The following MGAT4C variants were observed in gnomAD, a reference collection of about 807,000 sequenced individuals.
MGAT4C encodes the protein MGAT4 family member C.
Under a neutral mutation model 40.1 loss-of-function variants are expected in MGAT4C, and 19 were observed. The observed-to-expected ratio is 0.47, with a 90% CI of 0.33 to 0.70. MGAT4C has a LOEUF of 0.70. Ranked by LOEUF, MGAT4C falls within the 30% of genes least tolerant of loss-of-function variation. MGAT4C has a pLI of 0.02. For missense variants in MGAT4C, 491 were observed against 563.2 expected, an observed-to-expected ratio of 0.87 and a Z score of 1.30; for synonymous variants, 181 against 187.1, an observed-to-expected ratio of 0.97 and a Z score of 0.27.
At chr12:86,824,633 G>A (rs1416715268) in intron 1 of MGAT4C, among the ~76,000 whole-genome samples, 1 of 148,936 alleles carries the variant, frequency 6.7e-6, no homozygotes, top group African/African-American at 2.5e-5. Context: ...ATGTCCCAGA[G>A]GAAAAAAAAT....
At chr12:86,246,166 T>C (rs530147722) in intron 1 of MGAT4C, among the ~76,000 whole-genome samples, 1 of 146,378 alleles carries the variant, frequency 6.8e-6, no homozygotes, top group African/African-American at 2.5e-5. Flanking sequence ...GAATATCTCC[T>C]AGTGTACCAT....
chr12:86,774,366 C>T (rs1451655138), intron 1 of MGAT4C, among the ~76,000 whole-genome samples: 52 of 34,464 alleles, frequency 1.5e-3, no homozygotes, highest in South Asian at 5.5e-3. Context: ...CTCTCTCTCT[C>T]TCTCTTTCTG....
rs1034358787 is a variant in MGAT4C, at chr12:86,172,696, T to C, written c.-57+83543A>G. Among the ~76,000 whole-genome samples the C allele has an allele frequency of 4.3e-4, 65 of 152,096 alleles. 1 individual carries two copies. The highest frequency in any genetic ancestry group is 1.5e-3 in the African/African-American group (62 of 41,438). The stretch of plus-strand genomic sequence containing the variant: ...CTATAAGTTTGCTAAGGGTATAAAT[T>C]AGAGTTTCAACTCAGAGCAAAGAGA... On this transcript the variant is annotated intron_variant, in intron 1 of 4. Coordinates refer to ENST00000611864, the MANE Select transcript of MGAT4C (RefSeq NM_001351288.2).
At chr12:86,295,972 C>A (rs1331352522) in intron 4 of MGAT4C, among the ~76,000 whole-genome samples, 1 of 145,784 alleles carries the variant, frequency 6.9e-6, no homozygotes, top group African/African-American at 2.6e-5. Flanking sequence ...CAGCTAGATA[C>A]AGAGTGTCAA....
intron 2 of MGAT4C, among the ~76,000 whole-genome samples, chr12:86,680,414 G>T (rs2136578591): frequency 6.6e-6 from 1 of 152,032 alleles, no homozygotes; most frequent in South Asian, 2.1e-4. Flanking sequence ...AGAAAAAAAT[G>T]ACTTTTCCCA....
chr12:85,990,003 A>T (rs1453425756), intron 2 of MGAT4C, among the ~76,000 whole-genome samples: 2 of 152,120 alleles, frequency 1.3e-5, no homozygotes, highest in African/African-American at 2.4e-5. Context: ...AGTAGGTGTC[A>T]ACTGAAAATA....
chr12:86,124,741 T>C (rs1879978592), intron 1 of MGAT4C, among the ~76,000 whole-genome samples: 1 of 152,164 alleles, frequency 6.6e-6, no homozygotes, highest in Non-Finnish European at 1.5e-5. Flanking sequence ...GGGAGACTTA[T>C]AGTTTCTACC....
chr12:86,555,398 C>A (rs1959560388), intron 2 of MGAT4C, among the ~76,000 whole-genome samples: 1 of 152,128 alleles, frequency 6.6e-6, no homozygotes, highest in Non-Finnish European at 1.5e-5. Flanking sequence ...TTGGGAGAAG[C>A]TGAGGCAGGG....
At chr12:86,357,708 C>T (rs927854530) in intron 3 of MGAT4C, among the ~76,000 whole-genome samples, 1 of 151,966 alleles carries the variant, frequency 6.6e-6, no homozygotes, top group Non-Finnish European at 1.5e-5. Flanking sequence ...CCTATTTGAT[C>T]AAGTGGAAGA....
At chr12:86,260,527 G>A (rs1952636755), upstream of MGAT4C, among the ~76,000 whole-genome samples, 1 of 152,100 alleles carries the variant, frequency 6.6e-6, no homozygotes, top group African/African-American at 2.4e-5. Context: ...CTAATAGAAA[G>A]AAACCTCCAA....
At chr12:86,659,959 A>G (rs1203516024) in intron 2 of MGAT4C, among the ~76,000 whole-genome samples, 2 of 151,962 alleles carry the variant, frequency 1.3e-5, no homozygotes, top group African/African-American at 4.8e-5. Context: ...CTACATTAGC[A>G]TGTCAGAACG....
rs913276753 is a variant in MGAT4C at position 86,612,655 on chromosome 12, G to A, written c.-229+114554C>T. ...CTCAGGAGGCTGAGACAAGAGAATC[G>A]CTTGAATCCGGGAAGCGAAGGCTGC... On this transcript the variant is annotated intron_variant, in intron 2 of 7. Coordinates refer to the MGAT4C transcript ENST00000548651. Among the ~76,000 whole-genome samples, 11 of 149,832 alleles carry A rather than the reference G, an allele frequency of 7.3e-5. No homozygotes were observed. In the East Asian group the frequency reaches 7.9e-4, roughly 11 times the overall value.
chr12:86,063,072 G>A (rs1894152383), intron 1 of MGAT4C, among the ~76,000 whole-genome samples: 1 of 152,126 alleles, frequency 6.6e-6, no homozygotes, highest in Non-Finnish European at 1.5e-5. Context: ...ACACATAATT[G>A]TCAAATTCAC....
chr12:86,245,855 C>A (rs1176049585), intron 1 of MGAT4C, among the ~76,000 whole-genome samples: 1 of 152,092 alleles, frequency 6.6e-6, no homozygotes, highest in African/African-American at 2.4e-5. Context: ...CTAAGTAAAT[C>A]AAAAATTTCT....
rs934955595 is a variant in MGAT4C, at chr12:86,306,421, T to C, written c.-57+27644A>G. ...ACATGGATTAGTCTCATATAAACCA[T>C]GCTAAATGAAGGAAGTCTTACACAA... On this transcript the variant is annotated intron_variant, in intron 4 of 7. Transcript: ENST00000548651. Among the ~76,000 whole-genome samples the C allele has an allele frequency of 7.3e-5, 11 of 150,616 alleles. 1 individual carries two copies. The highest frequency in any genetic ancestry group is 2.7e-4 in the African/African-American group (11 of 40,072).
At chr12:86,676,969 C>G (rs1964415269) in intron 2 of MGAT4C, among the ~76,000 whole-genome samples, 1 of 151,990 alleles carries the variant, frequency 6.6e-6, no homozygotes, top group African/African-American at 2.4e-5. Context: ...AGACATCCTC[C>G]TATTGAAGGA....
intron 3 of MGAT4C, among the ~76,000 whole-genome samples, chr12:86,345,685 G>C (rs900105026): frequency 1.6e-4 from 25 of 152,256 alleles, no homozygotes; most frequent in African/African-American, 6.0e-4. Context: ...CCAAGTCTTT[G>C]CTATTGTGAA....
rs377519418 is a variant in MGAT4C, at chr12:86,804,667, A to C, written c.-262+33999T>G. On this transcript the variant is annotated intron_variant, in intron 1 of 7. Transcript: ENST00000548651. Reference sequence around the variant, plus strand: ...GACAAGACAATGCTGATTTCAACTAAATTTATTTACAGTAATTTCTAAGTC... The same window carrying C: ...GACAAGACAATGCTGATTTCAACTACATTTATTTACAGTAATTTCTAAGTC... Among the ~76,000 whole-genome samples, 538 of 152,066 alleles carry C rather than the reference A, an allele frequency of 3.5e-3. 3 individuals are homozygous for C. Among genetic ancestry groups the C allele is most frequent in the Middle Eastern group, 0.017 (5 of 294 alleles).
At chr12:86,282,155 A>G (rs940140385) in intron 4 of MGAT4C, among the ~76,000 whole-genome samples, 2 of 152,174 alleles carry the variant, frequency 1.3e-5, no homozygotes, top group African/African-American at 4.8e-5. Flanking sequence ...TTTGCCATGA[A>G]GTAATCAGCC....
Sources: gnomAD v4.1 joint callset for allele counts (sites outside exome capture counted in the v4.1 genomes callset) on GRCh38, gnomAD v4.1.1 for gene constraint, MANE v1.5 for transcripts, NCBI Gene and HGNC (gene_info 2026-07-23, HGNC 2026-07-21) for gene names.